SYT8: variants seen among roughly 807,000 people sequenced by gnomAD.
The protein encoded by SYT8 is synaptotagmin-8.
A neutral mutation model predicts 34.9 loss-of-function variants in SYT8; 50 were observed. The ratio of observed to expected loss-of-function variants is 1.43; its 90% CI spans 1.14 to 1.81. The LOEUF is 1.81. Ranked by LOEUF, SYT8 falls within the 40% of genes most tolerant of loss-of-function variation. SYT8 has a pLI of 0.00. For missense variants in SYT8, 595 were observed against 529.0 expected (o/e 1.12, Z -1.22); for synonymous variants, 255 against 234.2 (o/e 1.09, Z -0.81).
upstream of SYT8, chr11:1,834,589 C>A: frequency 6.3e-7 from 1 of 1,588,566 alleles, no homozygotes; most frequent in East Asian, 2.3e-5. The surrounding 1 kb of genome is among the most constrained non-coding windows in gnomAD (Gnocchi z 4.5). Flanking sequence ...ACCTGCATGG[C>A]TGGCAAACCA....
intron 1 of SYT8, 33 bp downstream of exon 1, chr11:1,835,232 G>A (rs1846838279): frequency 1.2e-6 from 2 of 1,609,888 alleles, no homozygotes; most frequent in African/African-American, 1.3e-5. Context: ...GGGGTGTGGG[G>A]ATAACCCAGC....
At position 1,837,413 on chromosome 11, in the gene SYT8, G is replaced by T; in HGVS notation, c.1146G>T (p.Leu382=). 1 of 1,605,578 alleles carries T rather than the reference G, an allele frequency of 6.2e-7. No individual in the cohort carries two copies. Among genetic ancestry groups the T allele is most frequent in the Non-Finnish European group, 8.5e-7 (1 of 1,179,560 alleles). Residue 382 remains leucine (L), a synonymous_variant, in exon 8 of 8, where the codon CTG becomes CTT. Coordinates refer to ENST00000341958, the MANE Select transcript of SYT8 (RefSeq NM_001394072.1). ...LALQPRLRLR[L]PLPHS is the part of the protein sequence containing the mutation. ...TGCAGCCCCGCCTTCGCCTGCGCCT[G>T]CCCTTGCCCCACTCCTGAATGCACC... is the stretch of plus-strand genomic sequence containing the variant.
Position 1,835,578 on chromosome 11 carries a change from G to A in SYT8, c.258+119G>A, listed in dbSNP as rs140658419. On this transcript the variant is annotated intron_variant, in intron 2 of 7. Coordinates refer to ENST00000341958, the MANE Select transcript of SYT8 (RefSeq NM_001394072.1). ...GGTTTAACCCCCACAGAGGCAGGGC[G>A]TTGAGGACCTTCCTGGCAGGGAAAG... The A allele has an allele frequency of 1.9e-3, 2,234 of 1,199,740 alleles. 31 individuals are homozygous for A. In the African/African-American group the frequency reaches 0.027, roughly 15 times the overall value. 74.3% of individuals were successfully genotyped at this position (1,199,740 alleles called of 1,614,324 possible).
In SYT8 at chr11:1,835,206, T is replaced by C. The variant is rs781759693; in HGVS notation, c.94+7T>C. 6.2e-7 allele frequency: 1 copy of C among 1,612,874 alleles called. No individual in the cohort carries two copies. The highest frequency in any genetic ancestry group is 1.3e-5 in the African/African-American group (1 of 75,044). ...CTTGTCGCCGGGACCCCCTGTGAGTTGTGGGATTCCCAAGAGGGGTGTGGG... is the reference window on the plus strand; with the variant it reads ...CTTGTCGCCGGGACCCCCTGTGAGTCGTGGGATTCCCAAGAGGGGTGTGGG... On this transcript the variant is annotated splice_region_variant and intron_variant, in intron 1 of 7. Transcript: ENST00000341958.
chr11:1,831,865 G>A (rs1846679309), upstream of SYT8: 2 of 435,830 alleles, frequency 4.6e-6, no homozygotes, highest in African/African-American at 2.0e-5. Flanking sequence ...AGGCCTGGTG[G>A]CTGGCCGGCC....
intron 2 of SYT8, 25 bp downstream of exon 2, chr11:1,835,484 C>A: frequency 6.2e-7 from 1 of 1,606,674 alleles, no homozygotes; most frequent in South Asian, 1.1e-5. Flanking sequence ...CTTGCTCACT[C>A]AGTCCAGAGA....
chr11:1,834,936 C>T (rs769017871), upstream of SYT8: 3 of 677,282 alleles, frequency 4.4e-6, no homozygotes, highest in Admixed American at 5.5e-5. The surrounding 1 kb of genome is among the most constrained non-coding windows in gnomAD (Gnocchi z 4.5). Context: ...CTTCAGCTTC[C>T]TGCTGCACAG....
rs1456293055 is a variant in SYT8, at chr11:1,837,297, C to T, written c.1030C>T (p.His344Tyr). The change falls in exon 8 of 8, where the codon CAC becomes TAC. Residue 344 changes from histidine to tyrosine, a missense_variant. Coordinates refer to ENST00000341958, the MANE Select transcript of SYT8 (RefSeq NM_001394072.1). ...CCGGGCCTCGGGGCAGCCCCTGCAG[C>T]ACTGGGCAGACATGCTGGCCCACGC... is the stretch of plus-strand genomic sequence containing the variant. ...GARASGQPLQ[H>Y]WADMLAHARR... 1 of 1,591,250 alleles carries T rather than the reference C, an allele frequency of 6.3e-7. No individual in the cohort carries two copies. The highest frequency in any genetic ancestry group is 1.3e-5 in the African/African-American group (1 of 74,666).
rs1846934360 is a variant in SYT8, at chr11:1,836,419, C to T, written c.517-6C>T. 1 of 1,546,200 alleles carries T rather than the reference C, an allele frequency of 6.5e-7. No individual in the cohort carries two copies. The highest frequency in any genetic ancestry group is 8.7e-7 in the Non-Finnish European group (1 of 1,146,910). The stretch of plus-strand genomic sequence containing the variant: ...CAGCAGGGCCTGGCTCACGCCGCTG[C>T]CTCAGATCCCGCAGGCGGAGCTGCC... On this transcript the variant is annotated splice_region_variant and splice_polypyrimidine_tract_variant and intron_variant, in intron 4 of 7. Transcript: ENST00000341958.
upstream of SYT8, among the ~76,000 whole-genome samples, chr11:1,832,928 C>T (rs904754289): frequency 3.3e-5 from 5 of 152,174 alleles, no homozygotes; most frequent in African/African-American, 1.2e-4. Flanking sequence ...AGGGGAGGGG[C>T]GCACGCACAC....
chr11:1,834,939 C>A, upstream of SYT8: 2 of 680,256 alleles, frequency 2.9e-6, no homozygotes, highest in Non-Finnish European at 5.0e-6. This position sits in a 1 kb window ranked among gnomAD's most constrained non-coding sequence, Gnocchi z 4.5. Flanking sequence ...CAGCTTCCTG[C>A]TGCACAGAAC....
Position 1,837,362 on chromosome 11 carries a change from C to T in SYT8, c.1095C>T (p.Ala365=). The part of the protein sequence containing the change: ...PIAQRHPLRP[A]REVDRMLALQ... ...CCCAGCGGCACCCCCTGCGGCCAGC[C>T]AGGGAGGTGGACCGCATGCTGGCCC... Residue 365 remains alanine (A), a synonymous_variant, in exon 8 of 8, where the codon GCC becomes GCT. Transcript: ENST00000341958. The T allele has an allele frequency of 6.3e-7, 1 of 1,597,416 alleles. No individual in the cohort carries two copies. Among genetic ancestry groups the T allele is most frequent in the Non-Finnish European group, 8.5e-7 (1 of 1,176,248 alleles).
rs376865461 is a variant in SYT8, at chr11:1,835,077, C to A, written c.-29C>A. The A allele has an allele frequency of 6.8e-6, 11 of 1,610,564 alleles. No individual in the cohort carries two copies. In the African/African-American group the frequency reaches 1.2e-4, roughly 18 times the overall value. ...TCCCAGCTGACCCAGCCTCCTGGGCCGCTTCTTCCAAACCAGCAGGGTAGA... is the reference window on the plus strand; with the variant it reads ...TCCCAGCTGACCCAGCCTCCTGGGCAGCTTCTTCCAAACCAGCAGGGTAGA... On this transcript the variant is annotated 5_prime_UTR_variant, in exon 1 of 8. Transcript: ENST00000341958.
rs2133021527 is a variant in SYT8 at position 1,836,300 on chromosome 11, TCGGCTGGGTGGGCCTGGA to T, written c.516+24_516+41del. 6.5e-7 allele frequency: 1 copy of T among 1,528,874 alleles called. No homozygotes were observed. The highest frequency in any genetic ancestry group is 2.0e-5 in the Admixed American group (1 of 49,318). The allele number at this position is 1,528,874 out of a possible 1,614,324, so 94.7% of individuals were successfully genotyped here. A position where few individuals can be genotyped will look rare whatever the true frequency, so the allele number is the denominator to read the frequency against. Reference sequence around the variant, plus strand: ...CTGCTTCCACGTGAGTCAGGGATGGTCGGCTGGGTGGGCCTGGACGGCTGGATGGGCCTGGGCTGGGTG... The same window carrying T: ...CTGCTTCCACGTGAGTCAGGGATGGTCGGCTGGATGGGCCTGGGCTGGGTG... On this transcript the variant is annotated intron_variant, in intron 4 of 7. Transcript: ENST00000341958.
At chr11:1,832,356 G>T (rs6578853), upstream of SYT8, among the ~76,000 whole-genome samples, 34,218 of 152,176 alleles carry the variant, frequency 0.22, 3,892 homozygotes, top group Middle Eastern at 0.31. Flanking sequence ...CGGTGGCCAG[G>T]GGGGAGCCGG....
chr11:1,835,689 AG>A, intron 2 of SYT8, 196 bp from the exon 3 acceptor site: 1 of 736,368 alleles, frequency 1.4e-6, no homozygotes, highest in Non-Finnish European at 2.3e-6. Context: ...TGAGGAAGGC[AG>A]GGGGTACCCC....
rs1221396985 is a variant in SYT8, at chr11:1,835,176, C to T, written c.71C>T (p.Pro24Leu). 6.2e-7 allele frequency: 1 copy of T among 1,613,452 alleles called. No homozygotes were observed. The highest frequency in any genetic ancestry group is 1.7e-5 in the Admixed American group (1 of 60,016). The change falls in exon 1 of 8, where the codon CCA (proline) becomes CTA (leucine). Residue 24 changes from proline (P) to leucine (L), a missense_variant. By Grantham distance (98) the Pro-to-Leu change is moderately conservative. Coordinates refer to ENST00000341958, the MANE Select transcript of SYT8 (RefSeq NM_001394072.1). ...AGTTAIPGLI[P>L]DLVAGTPWPR... ...ACCACAGCTATACCTGGGCTTATTC[C>T]AGACCTTGTCGCCGGGACCCCCTGT...
chr11:1,836,822 G>T lies in SYT8; in HGVS notation c.751G>T (p.Val251Leu). Residue 251 changes from valine to leucine, a missense_variant, in exon 6 of 8, where the codon GTG becomes TTG. Coordinates refer to ENST00000341958, the MANE Select transcript of SYT8 (RefSeq NM_001394072.1). ...YVPSSGRLTVVVLEARGLRPG... is the reference protein window; with the variant it reads ...YVPSSGRLTVLVLEARGLRPG... The stretch of plus-strand genomic sequence containing the variant: ...GCCCAGCTCAGGCCGGCTGACCGTG[G>T]TGGTGCTGGAGGCTCGAGGCCTGCG... 1 of 1,611,704 alleles carries T rather than the reference G, an allele frequency of 6.2e-7. No individual in the cohort carries two copies. Among genetic ancestry groups the T allele is most frequent in the Non-Finnish European group, 8.5e-7 (1 of 1,179,982 alleles).
At chr11:1,834,292 C>T, upstream of SYT8, 1 of 542,094 alleles carries the variant, frequency 1.8e-6, no homozygotes, top group East Asian at 3.4e-5. This position sits in a 1 kb window ranked among gnomAD's most constrained non-coding sequence, Gnocchi z 4.5. Context: ...ACCTTCCTTC[C>T]CACCCACATG....
Sources: allele counts gnomAD v4.1 joint callset (sites outside exome capture counted in the v4.1 genomes callset), GRCh38; gene constraint gnomAD v4.1.1; non-coding constraint Gnocchi (gnomAD v3.1); transcripts MANE v1.5; gene names NCBI Gene and HGNC (gene_info 2026-07-23, HGNC 2026-07-21).